LRMDA: variants seen among roughly 807,000 people sequenced by gnomAD.
The protein encoded by LRMDA is leucine-rich melanocyte differentiation-associated protein.
LRMDA carries 18 observed loss-of-function variants against 29.8 expected under a neutral mutation model. The ratio of observed to expected loss-of-function variants is 0.60; its 90% CI spans 0.42 to 0.90. LRMDA has a LOEUF of 0.90. Among genes scored for constraint, LRMDA ranks in the 40% least tolerant of loss-of-function variants. The probability of loss-of-function intolerance (pLI) is 0.00; values close to 1 mark genes in which losing one functional copy is unlikely to be tolerated. For synonymous variants in LRMDA, 125 were observed against 109.4 expected (o/e 1.14, Z -0.89); for missense variants, 273 against 273.9 (o/e 1.00, Z 0.02).
At chr10:76,249,008 CTG>C (rs1395412946) in intron 5 of LRMDA, among the ~76,000 whole-genome samples, 1 of 152,134 alleles carries the variant, frequency 6.6e-6, no homozygotes, top group Non-Finnish European at 1.5e-5. Flanking sequence ...GCCTAGAACT[CTG>C]TACACAAAGA....
At chr10:76,129,529 C>G (rs1357609975) in intron 5 of LRMDA, among the ~76,000 whole-genome samples, 5 of 152,208 alleles carry the variant, frequency 3.3e-5, no homozygotes, top group Admixed American at 1.3e-4. Flanking sequence ...CTGTCCCCCT[C>G]TCCCTAGAGG....
intron 3 of LRMDA, 40 bp downstream of exon 3, chr10:76,036,174 G>T: frequency 7.3e-7 from 1 of 1,376,766 alleles, no homozygotes. Flanking sequence ...TCCCCACCCA[G>T]CCCCACAGTC....
At chr10:76,300,250 C>T (rs1840463922) in intron 5 of LRMDA, among the ~76,000 whole-genome samples, 1 of 152,120 alleles carries the variant, frequency 6.6e-6, no homozygotes. Flanking sequence ...GTGGGATTGC[C>T]ACTTGTGGAG....
At chr10:76,187,426 TC>T (rs1357296108) in intron 5 of LRMDA, among the ~76,000 whole-genome samples, 1 of 152,172 alleles carries the variant, frequency 6.6e-6, no homozygotes, top group Non-Finnish European at 1.5e-5. Flanking sequence ...TTCTTCTAGT[TC>T]ATTACTGCAA....
At chr10:75,709,346 A>G (rs1842407704) in intron 2 of LRMDA, among the ~76,000 whole-genome samples, 1 of 151,962 alleles carries the variant, frequency 6.6e-6, no homozygotes, top group African/African-American at 2.4e-5. Context: ...ATGTGCATGC[A>G]TAAGTGTGTG....
At chr10:75,503,674 C>G (rs1280659580) in intron 2 of LRMDA, among the ~76,000 whole-genome samples, 1 of 151,972 alleles carries the variant, frequency 6.6e-6, no homozygotes, top group Non-Finnish European at 1.5e-5. Context: ...AGGTGGCTGT[C>G]TAATGGGTCA....
intron 2 of LRMDA, among the ~76,000 whole-genome samples, chr10:75,823,512 C>T (rs566796391): frequency 3.9e-5 from 6 of 152,262 alleles, no homozygotes; most frequent in Admixed American, 3.3e-4. Flanking sequence ...CCCACTCATA[C>T]ACCGTTGGTG....
At chr10:75,751,871 G>C (rs1776930547) in intron 2 of LRMDA, among the ~76,000 whole-genome samples, 1 of 152,212 alleles carries the variant, frequency 6.6e-6, no homozygotes, top group Admixed American at 6.5e-5. Context: ...AGTTCCTGAA[G>C]TGGGCTGTGC....
intron 2 of LRMDA, among the ~76,000 whole-genome samples, chr10:75,553,903 C>T (rs1316829278): frequency 6.6e-6 from 1 of 152,252 alleles, no homozygotes; most frequent in African/African-American, 2.4e-5. Context: ...TGCAGACTCT[C>T]CTTGTGGCTG....
At chr10:75,947,909 C>T (rs1380980541) in intron 2 of LRMDA, among the ~76,000 whole-genome samples, 1 of 152,180 alleles carries the variant, frequency 6.6e-6, no homozygotes, top group Non-Finnish European at 1.5e-5. Flanking sequence ...TTATTGGATT[C>T]TGTAGATAAA....
intron 2 of LRMDA, among the ~76,000 whole-genome samples, chr10:75,558,704 C>G (rs930059516): frequency 5.4e-5 from 8 of 149,306 alleles, no homozygotes; most frequent in African/African-American, 2.0e-4. Flanking sequence ...ACAACAGTCC[C>G]CAGAGTGTGA....
chr10:75,556,006 A>G (rs1024083876), intron 2 of LRMDA, among the ~76,000 whole-genome samples: 1 of 152,210 alleles, frequency 6.6e-6, no homozygotes, highest in East Asian at 1.9e-4. Flanking sequence ...GACATTATTC[A>G]GTCTTGAAAA....
At chr10:76,077,164 G>T (rs1355301968) in intron 5 of LRMDA, among the ~76,000 whole-genome samples, 2 of 152,220 alleles carry the variant, frequency 1.3e-5, no homozygotes, top group African/African-American at 4.8e-5. Flanking sequence ...GGGCCAGGAA[G>T]GAAGGGAGGA....
chr10:76,064,925 A>T (rs891288502), intron 5 of LRMDA, among the ~76,000 whole-genome samples: 22 of 151,434 alleles, frequency 1.5e-4, no homozygotes, highest in African/African-American at 4.8e-4. Context: ...TGTTTTTATG[A>T]TTTTTTTTTC....
intron 6 of LRMDA, among the ~76,000 whole-genome samples, chr10:76,461,775 G>A (rs1325318916): frequency 1.3e-5 from 2 of 152,024 alleles, no homozygotes; most frequent in African/African-American, 4.8e-5. Context: ...CTGGGCTTTT[G>A]TTAAGAATGT....
chr10:75,524,748 A>AT, intron 2 of LRMDA, among the ~76,000 whole-genome samples: 1 of 152,096 alleles, frequency 6.6e-6, no homozygotes, highest in East Asian at 1.9e-4. Context: ...AAGTTTTAGT[A>AT]TTTTTTTGTT....
At chr10:75,564,828 T>C (rs1211273569) in intron 2 of LRMDA, among the ~76,000 whole-genome samples, 1 of 152,216 alleles carries the variant, frequency 6.6e-6, no homozygotes, top group Non-Finnish European at 1.5e-5. Flanking sequence ...GACATCTATA[T>C]TTTTCACAAG....
At chr10:76,535,115 C>T (rs1843276528) in intron 6 of LRMDA, among the ~76,000 whole-genome samples, 1 of 152,142 alleles carries the variant, frequency 6.6e-6, no homozygotes, top group Non-Finnish European at 1.5e-5. Context: ...TATTGCCCAG[C>T]ACATCGTAGA....
At chr10:76,071,849 A>G (rs1378610337) in intron 5 of LRMDA, among the ~76,000 whole-genome samples, 3 of 152,226 alleles carry the variant, frequency 2.0e-5, no homozygotes, top group African/African-American at 7.2e-5. Context: ...AATGAATTTG[A>G]CCATGATTTA....
Sources: gnomAD v4.1 joint callset for allele counts (sites outside exome capture counted in the v4.1 genomes callset) on GRCh38, gnomAD v4.1.1 for gene constraint, MANE v1.5 for transcripts, NCBI Gene and HGNC (gene_info 2026-07-23, HGNC 2026-07-21) for gene names.